The following RGS7 variants were observed in gnomAD, a reference collection of about 807,000 sequenced individuals.
RGS7 encodes regulator of G protein signaling 7, also known as regulator of G-protein signaling 7.
RGS7 carries 27 observed loss-of-function variants against 81.1 expected under a neutral mutation model. The ratio of observed to expected loss-of-function variants is 0.33; its 90% CI spans 0.25 to 0.46. RGS7 has a LOEUF of 0.46. Ranked by LOEUF, RGS7 falls within the 20% of genes least tolerant of loss-of-function variation. The pLI is 1.00. For synonymous variants in RGS7, 208 were observed against 207.7 expected (o/e 1.00, Z -0.01); for missense variants, 396 against 607.4 (o/e 0.65, Z 3.66).
intron 2 of RGS7, among the ~76,000 whole-genome samples, chr1:241,249,860 T>C (rs1004637158): frequency 2.6e-5 from 4 of 152,170 alleles, no homozygotes; most frequent in African/African-American, 7.2e-5. Context: ...AATGGTGGCA[T>C]ATTTATACAG....
chr1:241,264,539 C>T (rs940305040), intron 2 of RGS7, among the ~76,000 whole-genome samples: 8 of 152,076 alleles, frequency 5.3e-5, no homozygotes, highest in Non-Finnish European at 1.0e-4. Flanking sequence ...TGATAAAAAA[C>T]CCTGAACGTC....
chr1:241,321,404 C>A (rs930071945), intron 2 of RGS7, among the ~76,000 whole-genome samples: 5 of 152,132 alleles, frequency 3.3e-5, no homozygotes, highest in Non-Finnish European at 7.3e-5. Context: ...AGTCCCCAGG[C>A]GGATTCAAAC....
intron 3 of RGS7, among the ~76,000 whole-genome samples, chr1:240,999,478 TG>T (rs2148622200): frequency 6.6e-6 from 1 of 152,342 alleles, no homozygotes; most frequent in Non-Finnish European, 1.5e-5. Context: ...AAGTTTGTCA[TG>T]GATACTTCAA....
At chr1:240,806,060 A>T in intron 15 of RGS7, 80 bp downstream of exon 15, 1 of 1,233,462 alleles carries the variant, frequency 8.1e-7, no homozygotes, top group Non-Finnish European at 1.2e-6. Context: ...GCTGCCATTT[A>T]GAATGAAAAT....
intron 9 of RGS7, among the ~76,000 whole-genome samples, chr1:240,859,342 T>C (rs557873902): frequency 6.6e-6 from 1 of 152,054 alleles, no homozygotes; most frequent in African/African-American, 2.4e-5. Flanking sequence ...TAATAGATGT[T>C]AAGATGTAGG....
At chr1:241,015,617 T>A (rs2059179540) in intron 3 of RGS7, among the ~76,000 whole-genome samples, 1 of 152,188 alleles carries the variant, frequency 6.6e-6, no homozygotes, top group African/African-American at 2.4e-5. Flanking sequence ...TGATTGATGG[T>A]AACAAATAAA....
At chr1:241,308,160 G>C (rs911890000) in intron 2 of RGS7, among the ~76,000 whole-genome samples, 8 of 152,142 alleles carry the variant, frequency 5.3e-5, no homozygotes, top group African/African-American at 1.9e-4. Context: ...GAGAGAATGT[G>C]GGGGGAATGA....
intron 6 of RGS7, among the ~76,000 whole-genome samples, chr1:240,873,871 CT>C (rs368456739): frequency 1.0e-4 from 15 of 149,944 alleles, no homozygotes; most frequent in East Asian, 3.9e-4. Flanking sequence ...TCATGCTATT[CT>C]TTTTTTTTTC....
At chr1:241,150,255 G>A (rs986999676) in intron 2 of RGS7, among the ~76,000 whole-genome samples, 3 of 151,996 alleles carry the variant, frequency 2.0e-5, no homozygotes, top group Admixed American at 6.6e-5. Context: ...CATTTGGTGC[G>A]GTATTTAACC....
intron 4 of RGS7, among the ~76,000 whole-genome samples, chr1:240,967,574 G>C (rs977940725): frequency 6.1e-5 from 8 of 131,356 alleles, no homozygotes; most frequent in Admixed American, 3.1e-4. Flanking sequence ...GAAGTGGGGG[G>C]GGGGGGGAAA....
At position 241,279,181 on chromosome 1, in the gene RGS7, A is replaced by G. The variant is rs111404243; in HGVS notation, c.78+76518T>C. Among the ~76,000 whole-genome samples, 718 of 151,906 alleles carry G rather than the reference A, an allele frequency of 4.7e-3. 4 individuals are homozygous for G. The highest frequency in any genetic ancestry group is 0.016 in the African/African-American group (666 of 41,484). On this transcript the variant is annotated intron_variant, in intron 2 of 18. Transcript: ENST00000440928. ...ATGTAACATAATATAATTACATAGT[A>G]ATACACTGGAGAACACGGAAAAGAA...
chr1:240,976,887 TTATCATC>T (rs1199417657), intron 4 of RGS7, among the ~76,000 whole-genome samples: 1 of 147,344 alleles, frequency 6.8e-6, no homozygotes, highest in Non-Finnish European at 1.5e-5. Context: ...GTCTATCTCT[TTATCATC>T]TATCATCCAT....
chr1:240,816,863 C>T (rs1165308594), intron 10 of RGS7, among the ~76,000 whole-genome samples: 1 of 152,098 alleles, frequency 6.6e-6, no homozygotes, highest in Non-Finnish European at 1.5e-5. Context: ...AGGAGAGTGA[C>T]AAGTCAAGAA....
At chr1:240,796,679 G>T (rs1181877982) in intron 18 of RGS7, among the ~76,000 whole-genome samples, 1 of 152,180 alleles carries the variant, frequency 6.6e-6, no homozygotes, top group Admixed American at 6.6e-5. Context: ...GAGTGAAATT[G>T]TGTCTCAACA....
At chr1:240,776,364 C>A (rs1438946482) in intron 18 of RGS7, 151 bp from the exon 19 acceptor site, 1 of 679,084 alleles carries the variant, frequency 1.5e-6, no homozygotes, top group East Asian at 2.8e-5. Context: ...ACCTCATGAC[C>A]AACCTGCCTT....
At chr1:241,228,602 G>A (rs527747146) in intron 2 of RGS7, among the ~76,000 whole-genome samples, 1 of 152,256 alleles carries the variant, frequency 6.6e-6, no homozygotes, top group South Asian at 2.1e-4. Context: ...AAGTACATGT[G>A]AGGACACTGA....
intron 3 of RGS7, among the ~76,000 whole-genome samples, chr1:241,004,476 T>C (rs1454689827): frequency 1.3e-5 from 2 of 152,126 alleles, no homozygotes. Context: ...GAAAAGCCTC[T>C]CCTTTGCCCT....
intron 2 of RGS7, among the ~76,000 whole-genome samples, chr1:241,218,807 G>C (rs971090995): frequency 3.3e-5 from 5 of 151,884 alleles, no homozygotes; most frequent in Non-Finnish European, 7.4e-5. Context: ...ACCACACCTG[G>C]CTAATTTTTT....
At chr1:241,275,228 T>C (rs2078130120) in intron 2 of RGS7, among the ~76,000 whole-genome samples, 1 of 152,182 alleles carries the variant, frequency 6.6e-6, no homozygotes. Context: ...CAGCCACATA[T>C]TAATAGCCAC....
Sources: gnomAD v4.1 joint callset for allele counts (sites outside exome capture counted in the v4.1 genomes callset) on GRCh38, gnomAD v4.1.1 for gene constraint, MANE v1.5 for transcripts, NCBI Gene and HGNC (gene_info 2026-07-23, HGNC 2026-07-21) for gene names.